The following HMGB1 variants were observed in gnomAD, a reference collection of about 807,000 sequenced individuals.
HMGB1 encodes high mobility group protein B1.
For missense variants in HMGB1, 79 were observed against 253.5 expected (o/e 0.31, Z 4.67); for synonymous variants, 81 against 84.0 (o/e 0.96, Z 0.19).
intron 1 of HMGB1, among the ~76,000 whole-genome samples, chr13:30,544,646 C>A (rs1869062493): frequency 6.6e-6 from 1 of 152,212 alleles, no homozygotes; most frequent in Non-Finnish European, 1.5e-5. Context: ...CCACACCTGG[C>A]CCTATGCATC....
chr13:30,611,618 G>A (rs999844491), intron 1 of HMGB1, among the ~76,000 whole-genome samples: 1 of 152,022 alleles, frequency 6.6e-6, no homozygotes, highest in Non-Finnish European at 1.5e-5. Context: ...AACATTGCCT[G>A]TACAACTCTA....
At chr13:30,554,366 C>T in intron 1 of HMGB1, 2 of 852,884 alleles carry the variant, frequency 2.3e-6, no homozygotes, top group East Asian at 2.4e-5. Flanking sequence ...AGACGCTTGT[C>T]TTGTTTTGAT....
intron 1 of HMGB1, among the ~76,000 whole-genome samples, chr13:30,575,423 A>C (rs1870608667): frequency 6.6e-6 from 1 of 152,230 alleles, no homozygotes; most frequent in Admixed American, 6.5e-5. Context: ...CATGTCTTAC[A>C]TAGGGACTCT....
At chr13:30,520,913 A>G (rs972213426) in intron 1 of HMGB1, among the ~76,000 whole-genome samples, 2 of 152,108 alleles carry the variant, frequency 1.3e-5, no homozygotes, top group Non-Finnish European at 2.9e-5. Flanking sequence ...TCCCATAAAC[A>G]TTTGGTTCCC....
chr13:30,524,044 T>G (rs963175592), intron 1 of HMGB1, among the ~76,000 whole-genome samples: 2 of 152,026 alleles, frequency 1.3e-5, no homozygotes, highest in South Asian at 2.1e-4. Flanking sequence ...TGCAGGGACA[T>G]GGATGAAGCT....
intron 1 of HMGB1, among the ~76,000 whole-genome samples, chr13:30,483,498 G>A (rs973605146): frequency 6.6e-6 from 1 of 152,046 alleles, no homozygotes; most frequent in Admixed American, 6.6e-5. Flanking sequence ...CTGGGCCTTA[G>A]TGTTAGGAAA....
intron 1 of HMGB1, among the ~76,000 whole-genome samples, chr13:30,597,180 A>T (rs7991508): frequency 0.53 from 80,074 of 152,010 alleles, 23,723 homozygotes; most frequent in African/African-American, 0.81. Context: ...GTGATAAAGA[A>T]GAGGTCATGG....
intron 1 of HMGB1, among the ~76,000 whole-genome samples, chr13:30,536,616 C>T (rs1868452236): frequency 6.6e-6 from 1 of 152,288 alleles, no homozygotes; most frequent in East Asian, 1.9e-4. Flanking sequence ...TCCCAAAGTG[C>T]TGGGATTACA....
rs544639660 is a variant in HMGB1 at position 30,552,943 on chromosome 13, T to A, written c.-15+63728A>T. Among the ~76,000 whole-genome samples the A allele has an allele frequency of 3.9e-4, 59 of 152,328 alleles. 1 individual carries two copies. Among genetic ancestry groups the A allele is most frequent in the African/African-American group, 1.4e-3 (57 of 41,586 alleles). Reference sequence around the variant, plus strand: ...CCTAGTTTCTGGCCCCAGGGCTACATTGGAGCTGTGACACAGGAGTCCCAT... The same window carrying A: ...CCTAGTTTCTGGCCCCAGGGCTACAATGGAGCTGTGACACAGGAGTCCCAT... On this transcript the variant is annotated intron_variant, in intron 1 of 4. Transcript: ENST00000405805.
intron 1 of HMGB1, among the ~76,000 whole-genome samples, chr13:30,508,262 A>G (rs865930277): frequency 2.4e-4 from 36 of 152,174 alleles, no homozygotes; most frequent in African/African-American, 7.5e-4. Flanking sequence ...CTGTAATCTC[A>G]GCGCTTTGGG....
At chr13:30,528,701 CAG>C (rs1444108053) in intron 1 of HMGB1, among the ~76,000 whole-genome samples, 4 of 152,022 alleles carry the variant, frequency 2.6e-5, no homozygotes, top group African/African-American at 9.7e-5. Flanking sequence ...GCGAAAGAAT[CAG>C]GGGAAACATC....
chr13:30,592,017 C>T (rs1038273038), intron 1 of HMGB1, among the ~76,000 whole-genome samples: 4 of 152,012 alleles, frequency 2.6e-5, no homozygotes, highest in Non-Finnish European at 5.9e-5. Context: ...CAACTGTGTT[C>T]TTTCCTCTCA....
chr13:30,464,063 ATGC>A (rs1363618112), intron 1 of HMGB1: 1 of 975,010 alleles, frequency 1.0e-6, no homozygotes, highest in Non-Finnish European at 1.2e-6. Context: ...GTCAGAAAAC[ATGC>A]TGCCAATTCG....
Position 30,546,116 on chromosome 13 carries a change from C to T in HMGB1, c.-15+70555G>A, listed in dbSNP as rs542775683. Among the ~76,000 whole-genome samples the T allele has an allele frequency of 4.6e-5, 7 of 152,054 alleles. No homozygotes were observed. The East Asian group carries it at 9.7e-4, about 21-fold the overall frequency. ...GCACACTGCTGGAGACTAAACCTCACGTTTTGTTTGTTTGTTTTGAGACGG... is the reference window on the plus strand; with the variant it reads ...GCACACTGCTGGAGACTAAACCTCATGTTTTGTTTGTTTGTTTTGAGACGG... On this transcript the variant is annotated intron_variant, in intron 1 of 4. Coordinates refer to the HMGB1 transcript ENST00000405805.
chr13:30,483,913 C>T (rs1482452802), intron 1 of HMGB1, among the ~76,000 whole-genome samples: 2 of 152,130 alleles, frequency 1.3e-5, no homozygotes, highest in South Asian at 2.1e-4. Flanking sequence ...TGCACCCAGC[C>T]GAATGTTCAG....
At chr13:30,496,115 A>G (rs1053251457) in intron 1 of HMGB1, among the ~76,000 whole-genome samples, 3 of 152,210 alleles carry the variant, frequency 2.0e-5, no homozygotes, top group African/African-American at 7.2e-5. Context: ...AGGGTTTTTT[A>G]AGAAATACAT....
rs1000756626 is a variant in HMGB1 at position 30,583,985 on chromosome 13, G to C, written c.-15+32686C>G. On this transcript the variant is annotated intron_variant, in intron 1 of 4. Transcript: ENST00000405805. Reference sequence around the variant, plus strand: ...GCACCACGGTGCTCTGGTCTGGAGAGAGTGAGACCTTGTCTCTAAAGAAGA... The same window carrying C: ...GCACCACGGTGCTCTGGTCTGGAGACAGTGAGACCTTGTCTCTAAAGAAGA... Among the ~76,000 whole-genome samples the C allele has an allele frequency of 4.6e-5, 7 of 151,874 alleles. No homozygotes were observed. The East Asian group carries it at 1.4e-3, about 29-fold the overall frequency.
At chr13:30,467,468 G>A (rs1306753924), upstream of HMGB1, among the ~76,000 whole-genome samples, 1 of 152,086 alleles carries the variant, frequency 6.6e-6, no homozygotes, top group Admixed American at 6.5e-5. Flanking sequence ...CGGACTCAGG[G>A]ATTATAGTCT....
chr13:30,534,149 C>T (rs376527849), intron 1 of HMGB1, among the ~76,000 whole-genome samples: 29 of 152,276 alleles, frequency 1.9e-4, no homozygotes, highest in East Asian at 5.8e-4. Flanking sequence ...TGAGCCACCG[C>T]GCCTGGCCCT....
Sources: allele counts gnomAD v4.1 joint callset (sites outside exome capture counted in the v4.1 genomes callset), GRCh38; gene constraint gnomAD v4.1.1; transcripts MANE v1.5; gene names NCBI Gene and HGNC (gene_info 2026-07-23, HGNC 2026-07-21).